REPS2: variants seen among roughly 807,000 people sequenced by gnomAD.
The protein encoded by REPS2 is ralBP1-associated Eps domain-containing protein 2.
Under a neutral mutation model 53.6 loss-of-function variants are expected in REPS2, and 23 were observed. The ratio of observed to expected loss-of-function variants is 0.43; its 90% CI spans 0.31 to 0.61. The LOEUF is 0.61. Ranked by LOEUF, REPS2 falls within the 20% of genes least tolerant of loss-of-function variation. The pLI, the probability that REPS2 is intolerant of heterozygous loss-of-function variation, is 0.11. For synonymous variants in REPS2, 238 were observed against 218.6 expected (o/e 1.09, Z -0.78); for missense variants, 446 against 534.9 (o/e 0.83, Z 1.64).
chrX:17,069,870 A>T, intron 10 of REPS2, 70 bp from the exon 11 acceptor site: 1 of 635,859 alleles, frequency 1.6e-6, no homozygotes. Context: ...CCTCAGAAAT[A>T]ACATTTTATA....
intron 13 of REPS2, among the ~76,000 whole-genome samples, chrX:17,093,172 A>ATG (rs2062642798): frequency 2.5e-5 from 1 of 40,288 alleles, no homozygotes. Flanking sequence ...AATGCTATAT[A>ATG]TATATATATA....
At chrX:16,984,011 G>C (rs1018682694) in intron 1 of REPS2, among the ~76,000 whole-genome samples, 4 of 112,730 alleles carry the variant, frequency 3.5e-5, no homozygotes, top group Non-Finnish European at 7.5e-5. Context: ...ACAATTATGT[G>C]TTGTATTAGT....
At chrX:17,074,829 T>C (rs2062357759) in intron 12 of REPS2, among the ~76,000 whole-genome samples, 1 of 111,829 alleles carries the variant, frequency 8.9e-6, no homozygotes, top group Non-Finnish European at 1.9e-5. Context: ...AGAACTGCAG[T>C]GTAAGATAGG....
chrX:16,978,327 C>G (rs769811818), intron 1 of REPS2, among the ~76,000 whole-genome samples: 2 of 111,496 alleles, frequency 1.8e-5, no homozygotes, highest in South Asian at 7.5e-4. Context: ...AATACTTTCC[C>G]GGCCATCTGG....
rs11797250 is a variant in REPS2 at position 17,149,359 on chromosome X, G to T, written c.*1878G>T. 0.31 allele frequency: 39,833 copies of T among 126,879 alleles called. 5,761 individuals carry two copies. Among genetic ancestry groups the T allele is most frequent in the Middle Eastern group, 0.51 (133 of 261 alleles). 10.5% of individuals were successfully genotyped at this position (126,879 alleles called of 1,213,427 possible). ...CTTGCTCTGTCGCCCAGGCTGGAGC[G>T]CAGTGGCGCAATCTCGGCTCACTGC... On this transcript the variant is annotated 3_prime_UTR_variant, in exon 18 of 18. Coordinates refer to ENST00000357277, the MANE Select transcript of REPS2 (RefSeq NM_004726.3).
intron 6 of REPS2, among the ~76,000 whole-genome samples, chrX:17,048,252 A>G (rs1010822877): frequency 8.9e-6 from 1 of 112,833 alleles, no homozygotes; most frequent in Non-Finnish European, 1.9e-5. Flanking sequence ...AATGAGGCAC[A>G]TAATTGAAAT....
At chrX:16,956,822 G>C (rs764612962) in intron 1 of REPS2, among the ~76,000 whole-genome samples, 4 of 112,316 alleles carry the variant, frequency 3.6e-5, no homozygotes, top group Admixed American at 9.4e-5. Context: ...ATTTACTACT[G>C]CTATCTCTAC....
intron 14 of REPS2, among the ~76,000 whole-genome samples, chrX:17,106,788 C>T (rs1188559135): frequency 1.8e-5 from 2 of 111,778 alleles, no homozygotes; most frequent in Non-Finnish European, 3.8e-5. Flanking sequence ...TTAGAAAAAA[C>T]TGTTTTCAAT....
At chrX:17,007,157 T>A (rs1409555964) in intron 2 of REPS2, among the ~76,000 whole-genome samples, 1 of 112,005 alleles carries the variant, frequency 8.9e-6, no homozygotes, top group South Asian at 3.7e-4. Flanking sequence ...TCCTGTGAAG[T>A]CTCTGATAGA....
chrX:17,126,926 C>G (rs2063219251), intron 14 of REPS2, among the ~76,000 whole-genome samples: 2 of 111,857 alleles, frequency 1.8e-5, no homozygotes, highest in Middle Eastern at 4.6e-3. Flanking sequence ...CCTGGTACCC[C>G]CTTTCAGAGA....
the REPS2 span, among the ~76,000 whole-genome samples, chrX:17,182,623 G>C: frequency 8.9e-6 from 1 of 112,032 alleles, no homozygotes; most frequent in African/African-American, 3.2e-5. Flanking sequence ...ATTAGGAAGG[G>C]AGTGCTGAAT....
intron 12 of REPS2, among the ~76,000 whole-genome samples, chrX:17,075,238 A>G (rs768033239): frequency 1.6e-4 from 18 of 112,042 alleles, no homozygotes; most frequent in Non-Finnish European, 2.6e-4. Context: ...TAGTTGTGGG[A>G]TATGCTTTCA....
At chrX:17,093,630 T>TTA (rs1395419772) in intron 13 of REPS2, among the ~76,000 whole-genome samples, 3 of 111,147 alleles carry the variant, frequency 2.7e-5, no homozygotes, top group Non-Finnish European at 5.7e-5. Flanking sequence ...GTGTAACTTC[T>TTA]TGTAGACTTC....
the REPS2 span, among the ~76,000 whole-genome samples, chrX:17,182,912 T>G: frequency 8.9e-6 from 1 of 112,333 alleles, no homozygotes; most frequent in Non-Finnish European, 1.9e-5. Context: ...AATGGCACAG[T>G]TGAAATTTGA....
intron 6 of REPS2, among the ~76,000 whole-genome samples, chrX:17,050,141 C>CCTTCCTTCCTTCCTTCCTTTCTTTCTTT (rs1555926667): frequency 2.0e-4 from 4 of 20,384 alleles, no homozygotes; most frequent in Non-Finnish European, 2.7e-4. Flanking sequence ...TTCCTTTCTT[C>CCTTCCTTCCTTCCTTCCTTTCTTTCTTT]CTTTCTTTCT....
At chrX:17,079,026 G>A (rs1392185590) in intron 13 of REPS2, among the ~76,000 whole-genome samples, 1 of 111,957 alleles carries the variant, frequency 8.9e-6, no homozygotes, top group Admixed American at 9.4e-5. Context: ...AGTGTTTCAG[G>A]CTTTGGATAT....
chrX:16,990,881 C>T (rs1034838779), intron 1 of REPS2, among the ~76,000 whole-genome samples: 4 of 110,538 alleles, frequency 3.6e-5, no homozygotes, highest in Non-Finnish European at 7.6e-5. Flanking sequence ...GAAAAAGAAC[C>T]CCAGGATCTA....
At chrX:17,125,214 A>T (rs778123941) in intron 14 of REPS2, among the ~76,000 whole-genome samples, 2 of 111,119 alleles carry the variant, frequency 1.8e-5, no homozygotes, top group South Asian at 7.6e-4. Flanking sequence ...TTTAAACAAA[A>T]TCTTACTGCT....
At chrX:17,093,389 G>A (rs191730214) in intron 13 of REPS2, among the ~76,000 whole-genome samples, 1 of 105,898 alleles carries the variant, frequency 9.4e-6, no homozygotes, top group East Asian at 2.9e-4. Context: ...TTGACTAAGT[G>A]GAAATGACTT....
Sources: allele counts gnomAD v4.1 joint callset (sites outside exome capture counted in the v4.1 genomes callset), GRCh38; gene constraint gnomAD v4.1.1; transcripts MANE v1.5; gene names NCBI Gene and HGNC (gene_info 2026-07-23, HGNC 2026-07-21).